AMMECR1L: variants seen among roughly 807,000 people sequenced by gnomAD.
AMMECR1L encodes the protein AMMECR1 like, also known as AMMECR1-like protein.
In AMMECR1L, 4 loss-of-function variants were observed where a neutral mutation model predicts 36.8. The ratio of observed to expected loss-of-function variants is 0.11; its 90% CI spans 0.05 to 0.25. The LOEUF (loss-of-function observed/expected upper bound fraction) is 0.25, where lower values mean the gene tolerates loss of function less well. Ranked by LOEUF, AMMECR1L falls within the 10% of genes least tolerant of loss-of-function variation. AMMECR1L has a pLI of 1.00. For synonymous variants in AMMECR1L, 147 were observed against 148.0 expected (o/e 0.99, Z 0.05); for missense variants, 232 against 392.1 (o/e 0.59, Z 3.45).
chr2:127,880,801 C>A (rs1014045344), intron 2 of AMMECR1L, among the ~76,000 whole-genome samples: 1 of 151,754 alleles, frequency 6.6e-6, no homozygotes, highest in Non-Finnish European at 1.5e-5. Context: ...CACACACACT[C>A]CTGATTGTCA....
rs1489905580 is a variant in AMMECR1L at position 127,873,506 on chromosome 2, C to T, written c.407+322G>A. On this transcript the variant is annotated intron_variant, in intron 3 of 7. Coordinates refer to ENST00000272647, the MANE Select transcript of AMMECR1L (RefSeq NM_001199140.2). The surrounding 1 kb of genome is among the most constrained non-coding windows in gnomAD (Gnocchi z 5.2). ...ACTATGGGTGTCCCCAATGGTATGGCGTGACTTCCCCACTTGAGAGGTTAA... is the reference window on the plus strand; with the variant it reads ...ACTATGGGTGTCCCCAATGGTATGGTGTGACTTCCCCACTTGAGAGGTTAA... 5 of 985,424 alleles carry T rather than the reference C, an allele frequency of 5.1e-6. No homozygotes were observed. In the South Asian group the frequency reaches 1.4e-4, roughly 28 times the overall value. The allele number at this position is 985,424 out of a possible 1,614,324, so 61.0% of individuals were successfully genotyped here.
chr2:127,871,026 A>G lies in AMMECR1L; in HGVS notation c.519-98T>C, dbSNP rs112034693. ...CATATTTATGAATCTTGAGCTATGC[A>G]GAGAGTATCTATTGTTCATCAACAC... On this transcript the variant is annotated intron_variant, in intron 4 of 7. Coordinates refer to ENST00000272647, the MANE Select transcript of AMMECR1L (RefSeq NM_001199140.2). The surrounding 1 kb of genome is among the most constrained non-coding windows in gnomAD (Gnocchi z 4.3). 13 of 1,001,256 alleles carry G rather than the reference A, an allele frequency of 1.3e-5. No homozygotes were observed. Among genetic ancestry groups the G allele is most frequent in the African/African-American group, 1.1e-4 (7 of 61,360 alleles). The allele number at this position is 1,001,256 out of a possible 1,614,324, so 62.0% of individuals were successfully genotyped here.
Position 127,862,371 on chromosome 2 carries a change from G to C in AMMECR1L, c.*2723C>G, listed in dbSNP as rs1690504085. ...ACCTACCACGCACACCGCAGGTACT[G>C]GCCGCCCTCATCACTGCTTTGGTCA... On this transcript the variant is annotated 3_prime_UTR_variant, in exon 8 of 8. Coordinates refer to ENST00000272647, the MANE Select transcript of AMMECR1L (RefSeq NM_001199140.2). 6.5e-6 allele frequency: 1 copy of C among 153,746 alleles called. No homozygotes were observed. Among genetic ancestry groups the C allele is most frequent in the African/African-American group, 2.4e-5 (1 of 41,438 alleles). 9.5% of individuals were successfully genotyped at this position (153,746 alleles called of 1,614,324 possible). A position where few individuals can be genotyped will look rare whatever the true frequency, so the allele number is the denominator to read the frequency against.
intron 6 of AMMECR1L, among the ~76,000 whole-genome samples, chr2:127,868,233 T>C (rs144689746): frequency 2.6e-5 from 4 of 152,342 alleles, no homozygotes; most frequent in East Asian, 1.9e-4. Flanking sequence ...TAAATTACTA[T>C]GCTAGGTGCT....
At position 127,871,246 on chromosome 2, in the gene AMMECR1L, T is replaced by C; in HGVS notation, c.518+3A>G. On this transcript the variant is annotated splice_donor_region_variant and intron_variant, in intron 4 of 7. Coordinates refer to ENST00000272647, the MANE Select transcript of AMMECR1L (RefSeq NM_001199140.2). This position sits in a 1 kb window ranked among gnomAD's most constrained non-coding sequence, Gnocchi z 4.3. ...TACAGTTCTTAATGTCTGGTGTCAT[T>C]ACCTGGTTAACGTGTATTCCCTGAG... 1 of 1,613,912 alleles carries C rather than the reference T, an allele frequency of 6.2e-7. No individual in the cohort carries two copies. The highest frequency in any genetic ancestry group is 8.5e-7 in the Non-Finnish European group (1 of 1,179,842).
chr2:127,875,486 G>C (rs1471623806), intron 2 of AMMECR1L, among the ~76,000 whole-genome samples: 3 of 152,062 alleles, frequency 2.0e-5, no homozygotes, highest in Non-Finnish European at 4.4e-5. Flanking sequence ...TTTAGGCATT[G>C]ATCTACAAAT....
In AMMECR1L at chr2:127,865,067, G is replaced by T. The variant is rs759709875; in HGVS notation, c.*27C>A. 3 of 1,555,412 alleles carry T rather than the reference G, an allele frequency of 1.9e-6. No homozygotes were observed. In the African/African-American group the frequency reaches 4.1e-5, roughly 21 times the overall value. ...GTCATAGCCATTGGTGGCCACGGGG[G>T]GGTGGGACTGGTCATGCAGCCGTGT... On this transcript the variant is annotated 3_prime_UTR_variant, in exon 8 of 8. Transcript: ENST00000272647. This position sits in a 1 kb window ranked among gnomAD's most constrained non-coding sequence, Gnocchi z 5.4.
At position 127,862,870 on chromosome 2, in the gene AMMECR1L, A is replaced by C. The variant is rs1573529037; in HGVS notation, c.*2224T>G. ...CAGGTATCGTACCCCCCCTCGATAA[A>C]ATAAAATAAAATAAAATAAAATAAT... On this transcript the variant is annotated 3_prime_UTR_variant, in exon 8 of 8. Transcript: ENST00000272647. 1 of 122,548 alleles carries C rather than the reference A, an allele frequency of 8.2e-6. No homozygotes were observed. Among genetic ancestry groups the C allele is most frequent in the African/African-American group, 4.5e-5 (1 of 22,296 alleles). 7.6% of individuals were successfully genotyped at this position (122,548 alleles called of 1,614,324 possible). A position where few individuals can be genotyped will look rare whatever the true frequency, so the allele number is the denominator to read the frequency against.
In AMMECR1L at chr2:127,884,296, ATTCCTTC is replaced by A. The variant is rs1691652657; in HGVS notation, c.-139_-133del. ...AATGAATTTTCTTCCTTCCGATTCC[ATTCCTTC>A]TTCCTGTACCTAAGACGGAAATGCA... is the stretch of plus-strand genomic sequence containing the variant. On this transcript the variant is annotated 5_prime_UTR_variant, in exon 2 of 8. It adds an upstream start codon to the 5' untranslated region. Transcript: ENST00000272647. 6.6e-6 allele frequency: 1 copy of A among 151,570 alleles called. No individual in the cohort carries two copies. The highest frequency in any genetic ancestry group is 2.4e-5 in the African/African-American group (1 of 41,208). The allele number at this position is 151,570 out of a possible 1,614,324, so 9.4% of individuals were successfully genotyped here.
intron 2 of AMMECR1L, among the ~76,000 whole-genome samples, chr2:127,875,702 G>A (rs1280807554): frequency 6.6e-6 from 1 of 152,164 alleles, no homozygotes; most frequent in Non-Finnish European, 1.5e-5. Flanking sequence ...AAAGCTCTCT[G>A]TGGCCGAAGA....
intron 2 of AMMECR1L, among the ~76,000 whole-genome samples, chr2:127,875,394 G>A (rs936040418): frequency 6.6e-6 from 1 of 152,138 alleles, no homozygotes; most frequent in African/African-American, 2.4e-5. Context: ...GGGCAAGTGG[G>A]GGGAGGGAGA....
intron 6 of AMMECR1L, among the ~76,000 whole-genome samples, chr2:127,868,639 G>A (rs1690813128): frequency 6.6e-6 from 1 of 152,094 alleles, no homozygotes; most frequent in Non-Finnish European, 1.5e-5. Flanking sequence ...AACATGTAAA[G>A]GTACCCTTCT....
intron 6 of AMMECR1L, among the ~76,000 whole-genome samples, chr2:127,867,758 A>G (rs982685073): frequency 1.3e-5 from 2 of 152,134 alleles, no homozygotes; most frequent in Non-Finnish European, 2.9e-5. Context: ...GGAAGAAATA[A>G]AAAGGGAAAG....
At position 127,874,508 on chromosome 2, in the gene AMMECR1L, T is replaced by A. The variant is rs1691136804; in HGVS notation, c.-38-236A>T. ...TGGATGGAGGCAGGCACCAAGCAGC[T>A]CCCTGTTCCCCAAGAGTCCCCAGGG... On this transcript the variant is annotated intron_variant, in intron 2 of 7. Transcript: ENST00000272647. This position sits in a 1 kb window ranked among gnomAD's most constrained non-coding sequence, Gnocchi z 5.2. Among the ~76,000 whole-genome samples, 1 of 152,054 alleles carries A rather than the reference T, an allele frequency of 6.6e-6. No homozygotes were observed. The highest frequency in any genetic ancestry group is 2.1e-4 in the South Asian group (1 of 4,818).
In AMMECR1L at chr2:127,865,547, G is replaced by A. The variant is rs1690647986; in HGVS notation, c.822-342C>T. ...GTCAAATTACTCGGGTGGCAGATTG[G>A]AAGATGGCTGCACCAAAACCCAGTG... On this transcript the variant is annotated intron_variant, in intron 7 of 7. Transcript: ENST00000272647. The surrounding 1 kb of genome is among the most constrained non-coding windows in gnomAD (Gnocchi z 5.4). Among the ~76,000 whole-genome samples the A allele has an allele frequency of 6.6e-6, 1 of 152,200 alleles. No individual in the cohort carries two copies. Among genetic ancestry groups the A allele is most frequent in the Non-Finnish European group, 1.5e-5 (1 of 68,046 alleles).
rs546314326 is a variant in AMMECR1L at position 127,871,534 on chromosome 2, G to C, written c.408-175C>G. 1.3e-5 allele frequency among the ~76,000 whole-genome samples: 2 copies of C among 152,308 alleles called. No individual in the cohort carries two copies. The highest frequency in any genetic ancestry group is 2.1e-4 in the South Asian group (1 of 4,832). On this transcript the variant is annotated intron_variant, in intron 3 of 7. Coordinates refer to ENST00000272647, the MANE Select transcript of AMMECR1L (RefSeq NM_001199140.2). This position sits in a 1 kb window ranked among gnomAD's most constrained non-coding sequence, Gnocchi z 4.3. ...CTGAAAACGGCACAGCCCCTGGCTGGAAACGGGAAACCTACAAGGCAGCAT... is the reference window on the plus strand; with the variant it reads ...CTGAAAACGGCACAGCCCCTGGCTGCAAACGGGAAACCTACAAGGCAGCAT...
intron 6 of AMMECR1L, among the ~76,000 whole-genome samples, chr2:127,868,442 A>C (rs1690802675): frequency 6.6e-6 from 1 of 152,204 alleles, no homozygotes; most frequent in African/African-American, 2.4e-5. Flanking sequence ...AAGTTTAAGC[A>C]CAAGCAAAAT....
rs1313859794 is a variant in AMMECR1L, at chr2:127,871,403, T to C, written c.408-44A>G. ...AAAACATTCTCCAGCCCCAAATTAA[T>C]CATGGATAAGAACAAAACCTTTTGG... On this transcript the variant is annotated intron_variant, in intron 3 of 7. Transcript: ENST00000272647. This position sits in a 1 kb window ranked among gnomAD's most constrained non-coding sequence, Gnocchi z 4.3. 8 of 1,580,032 alleles carry C rather than the reference T, an allele frequency of 5.1e-6. No homozygotes were observed. Among genetic ancestry groups the C allele is most frequent in the Non-Finnish European group, 6.9e-6 (8 of 1,159,514 alleles).
rs1690527454 is a variant in AMMECR1L, at chr2:127,862,880, A to AAT, written c.*2212_*2213dup. 6.6e-6 allele frequency: 1 copy of AAT among 151,816 alleles called. No individual in the cohort carries two copies. Among genetic ancestry groups the AAT allele is most frequent in the Non-Finnish European group, 1.5e-5 (1 of 67,818 alleles). 9.4% of individuals were successfully genotyped at this position (151,816 alleles called of 1,614,324 possible). A position where few individuals can be genotyped will look rare whatever the true frequency, so the allele number is the denominator to read the frequency against. Reference sequence around the variant, plus strand: ...ACCCCCCCTCGATAAAATAAAATAAAATAAAATAAAATAATAAAATAAAAT... The same window carrying AAT: ...ACCCCCCCTCGATAAAATAAAATAAAATATAAAATAAAATAATAAAATAAAAT... On this transcript the variant is annotated 3_prime_UTR_variant, in exon 8 of 8. Transcript: ENST00000272647.
Sources: gnomAD v4.1 joint callset for allele counts (sites outside exome capture counted in the v4.1 genomes callset) on GRCh38, gnomAD v4.1.1 for gene constraint, Gnocchi (gnomAD v3.1) non-coding constraint, MANE v1.5 for transcripts, NCBI Gene and HGNC (gene_info 2026-07-23, HGNC 2026-07-21) for gene names.